Variants in PKNOX2 observed in about 807,000 individuals in gnomAD.
The protein encoded by PKNOX2 is PBX/knotted 1 homeobox 2.
A neutral mutation model predicts 53.1 loss-of-function variants in PKNOX2; 14 were observed. That is an observed-to-expected ratio of 0.26 (90% CI 0.17 to 0.41). PKNOX2 has a LOEUF of 0.41. Ranked by LOEUF, PKNOX2 falls within the 10% of genes least tolerant of loss-of-function variation. PKNOX2 has a pLI of 1.00. For synonymous variants in PKNOX2, 257 were observed against 242.8 expected (o/e 1.06, Z -0.54); for missense variants, 496 against 602.8 (o/e 0.82, Z 1.85).
chr11:125,407,810 C>A (rs565308196), intron 7 of PKNOX2, among the ~76,000 whole-genome samples: 11 of 152,152 alleles, frequency 7.2e-5, no homozygotes, highest in African/African-American at 2.7e-4. Context: ...AATATCAGCA[C>A]GGTTTACACA....
At chr11:125,358,323 C>T (rs927762290) in intron 4 of PKNOX2, among the ~76,000 whole-genome samples, 28 of 152,310 alleles carry the variant, frequency 1.8e-4, no homozygotes, top group Admixed American at 1.6e-3. Context: ...TTGGAAATCA[C>T]TGGTTTTGGA....
chr11:125,357,289 C>G (rs1180018873), intron 4 of PKNOX2, among the ~76,000 whole-genome samples: 1 of 152,144 alleles, frequency 6.6e-6, no homozygotes, highest in Non-Finnish European at 1.5e-5. Flanking sequence ...GACCTGGACT[C>G]TTCATTGTGT....
chr11:125,411,630 T>G, intron 9 of PKNOX2, 116 bp from the exon 10 acceptor site: 1 of 1,558,920 alleles, frequency 6.4e-7, no homozygotes, highest in Non-Finnish European at 8.8e-7. Context: ...CCCAGGGCCC[T>G]AGGAATGAGC....
chr11:125,413,969 C>T (rs142162498), intron 10 of PKNOX2, among the ~76,000 whole-genome samples: 1 of 152,258 alleles, frequency 6.6e-6, no homozygotes, highest in Non-Finnish European at 1.5e-5. Context: ...TTCCACTCCC[C>T]ACTTGCAACT....
intron 6 of PKNOX2, among the ~76,000 whole-genome samples, chr11:125,390,336 A>G (rs528132633): frequency 1.4e-4 from 21 of 152,200 alleles, no homozygotes; most frequent in Non-Finnish European, 2.2e-4. Flanking sequence ...AATCAAATAC[A>G]GTGCAAGACT....
At chr11:125,314,952 G>A (rs1949065247) in intron 2 of PKNOX2, among the ~76,000 whole-genome samples, 1 of 152,148 alleles carries the variant, frequency 6.6e-6, no homozygotes, top group Non-Finnish European at 1.5e-5. Context: ...AGGCAGGCTG[G>A]GTTCTGGCCA....
intron 3 of PKNOX2, among the ~76,000 whole-genome samples, chr11:125,346,530 C>T (rs144444081): frequency 1.2e-3 from 181 of 152,322 alleles, no homozygotes; most frequent in African/African-American, 4.1e-3. Context: ...AGGCTTAGAT[C>T]ATGGGAACTG....
chr11:125,365,183 C>G (rs1952124301), intron 4 of PKNOX2, among the ~76,000 whole-genome samples: 1 of 152,080 alleles, frequency 6.6e-6, no homozygotes, highest in Non-Finnish European at 1.5e-5. Flanking sequence ...ATATATCCCA[C>G]GTTCCTTCAA....
At chr11:125,171,008 G>C (rs936019957) in intron 1 of PKNOX2, among the ~76,000 whole-genome samples, 1 of 132,058 alleles carries the variant, frequency 7.6e-6, no homozygotes, top group Non-Finnish European at 1.7e-5. Context: ...GATCCAGATG[G>C]GCCAGAAAGC....
chr11:125,340,805 A>G (rs1950642655), intron 3 of PKNOX2, among the ~76,000 whole-genome samples: 1 of 152,148 alleles, frequency 6.6e-6, no homozygotes, highest in South Asian at 2.1e-4. Context: ...TAATCCCAGC[A>G]CTTTGGGAGG....
Position 125,431,883 on chromosome 11 carries a change from G to T in PKNOX2, c.*491G>T, listed in dbSNP as rs181691799. On this transcript the variant is annotated 3_prime_UTR_variant, in exon 13 of 13. Transcript: ENST00000298282. Reference sequence around the variant, plus strand: ...TCCTTTGACAGACATTCAAGGGCAGGAGGGAGCCCCAAAGCATAACCAGTG... The same window carrying T: ...TCCTTTGACAGACATTCAAGGGCAGTAGGGAGCCCCAAAGCATAACCAGTG... 38 of 163,574 alleles carry T rather than the reference G, an allele frequency of 2.3e-4. No homozygotes were observed. In the East Asian group the frequency reaches 5.5e-3, roughly 24 times the overall value. 10.1% of individuals were successfully genotyped at this position (163,574 alleles called of 1,614,324 possible).
chr11:125,420,353 C>T (rs932582898), intron 10 of PKNOX2, among the ~76,000 whole-genome samples: 2 of 151,674 alleles, frequency 1.3e-5, no homozygotes, highest in South Asian at 4.2e-4. Flanking sequence ...CGGTGAAACC[C>T]CACTCTACTA....
chr11:125,242,138 G>A (rs1943200880), intron 2 of PKNOX2, among the ~76,000 whole-genome samples: 1 of 152,140 alleles, frequency 6.6e-6, no homozygotes, highest in South Asian at 2.1e-4. Context: ...CCGTCTATGT[G>A]GGGGCCCTGT....
At chr11:125,381,452 G>A (rs1330520858) in intron 5 of PKNOX2, among the ~76,000 whole-genome samples, 4 of 152,112 alleles carry the variant, frequency 2.6e-5, no homozygotes, top group Non-Finnish European at 5.9e-5. Flanking sequence ...TTAACTTGGA[G>A]GGAAGGATGG....
intron 5 of PKNOX2, among the ~76,000 whole-genome samples, chr11:125,378,809 G>A (rs1392863896): frequency 2.0e-5 from 3 of 152,080 alleles, no homozygotes; most frequent in African/African-American, 2.4e-5. Context: ...GACCACCCTC[G>A]CCCCCGCTCA....
chr11:125,333,881 G>A (rs765886142), intron 3 of PKNOX2, among the ~76,000 whole-genome samples: 12 of 152,258 alleles, frequency 7.9e-5, no homozygotes, highest in Middle Eastern at 3.4e-3. Context: ...ATTACACATC[G>A]GTTTGGGGAG....
intron 1 of PKNOX2, among the ~76,000 whole-genome samples, chr11:125,186,277 A>G (rs1453956355): frequency 2.0e-5 from 3 of 152,218 alleles, no homozygotes; most frequent in Non-Finnish European, 4.4e-5. Flanking sequence ...ACTTCGTTAT[A>G]TATTCTGGAT....
intron 1 of PKNOX2, among the ~76,000 whole-genome samples, chr11:125,230,098 C>T (rs535225852): frequency 6.6e-6 from 1 of 152,350 alleles, no homozygotes; most frequent in East Asian, 1.9e-4. Context: ...ACAGAGGAAG[C>T]CTTTCCAGGT....
At chr11:125,332,902 G>T (rs1950219362) in intron 3 of PKNOX2, among the ~76,000 whole-genome samples, 1 of 152,158 alleles carries the variant, frequency 6.6e-6, no homozygotes, top group Admixed American at 6.5e-5. Context: ...GGACAGACTG[G>T]CAACAATGCT....
Sources: allele counts gnomAD v4.1 joint callset (sites outside exome capture counted in the v4.1 genomes callset), GRCh38; gene constraint gnomAD v4.1.1; transcripts MANE v1.5; gene names NCBI Gene and HGNC (gene_info 2026-07-23, HGNC 2026-07-21).